THADA: variants seen among roughly 807,000 people sequenced by gnomAD.
THADA encodes tRNA (32-2'-O)-methyltransferase regulator THADA.
In THADA, 213 loss-of-function variants were observed where a neutral mutation model predicts 219.8. The observed-to-expected ratio is 0.97, with a 90% CI of 0.87 to 1.09. The LOEUF (loss-of-function observed/expected upper bound fraction) is 1.09. THADA is among the 50% of genes least tolerant of loss of function. The probability of loss-of-function intolerance (pLI) is 0.00; values close to 1 mark genes in which losing one functional copy is unlikely to be tolerated. For synonymous variants in THADA, 1,018 were observed against 828.9 expected (o/e 1.23, Z -3.92); for missense variants, 2,956 against 2,311.3 (o/e 1.28, Z -5.72).
intron 29 of THADA, among the ~76,000 whole-genome samples, chr2:43,360,933 G>A (rs1312347888): frequency 6.6e-6 from 1 of 152,218 alleles, no homozygotes; most frequent in South Asian, 2.1e-4. Flanking sequence ...AGTTCTAAAC[G>A]TGGAATGAGT....
intron 20 of THADA, among the ~76,000 whole-genome samples, chr2:43,548,335 A>C (rs1355636497): frequency 6.6e-6 from 1 of 152,196 alleles, no homozygotes; most frequent in African/African-American, 2.4e-5. Flanking sequence ...CCACTTGAGG[A>C]GGCAGTCTGC....
intron 26 of THADA, among the ~76,000 whole-genome samples, chr2:43,483,557 T>A (rs1686510062): frequency 6.6e-6 from 1 of 152,158 alleles, no homozygotes. Flanking sequence ...TCATTCCTAT[T>A]TCCTTTTTTC....
At chr2:43,233,844 A>G (rs1316692836) in intron 36 of THADA, among the ~76,000 whole-genome samples, 3 of 152,124 alleles carry the variant, frequency 2.0e-5, no homozygotes, top group South Asian at 2.1e-4. Context: ...CCACTGCACA[A>G]TGGACCTCTG....
intron 36 of THADA, among the ~76,000 whole-genome samples, chr2:43,262,088 T>C (rs1226510481): frequency 2.6e-5 from 4 of 152,228 alleles, no homozygotes. Flanking sequence ...TTTAGGCTTA[T>C]CTCTTTATCA....
intron 29 of THADA, among the ~76,000 whole-genome samples, chr2:43,346,881 C>A (rs1397898130): frequency 1.3e-5 from 2 of 152,208 alleles, no homozygotes; most frequent in African/African-American, 4.8e-5. Context: ...CCCCCTCCAA[C>A]AAGTCTGATG....
At chr2:43,377,091 A>G (rs1422655300) in intron 29 of THADA, among the ~76,000 whole-genome samples, 3 of 152,194 alleles carry the variant, frequency 2.0e-5, no homozygotes, top group Non-Finnish European at 2.9e-5. Flanking sequence ...GTGGCACAAT[A>G]TCGTGGAAAG....
chr2:43,451,400 A>T (rs573553365), intron 26 of THADA, among the ~76,000 whole-genome samples: 4 of 152,286 alleles, frequency 2.6e-5, no homozygotes, highest in African/African-American at 9.6e-5. Flanking sequence ...CCCACTGTCC[A>T]TTATTCCCTA....
intron 26 of THADA, among the ~76,000 whole-genome samples, chr2:43,481,290 G>C (rs1293012896): frequency 6.6e-6 from 1 of 152,126 alleles, no homozygotes; most frequent in Non-Finnish European, 1.5e-5. Context: ...TCCCAACATA[G>C]TCACTAGAAA....
Position 43,248,200 on chromosome 2 carries a change from G to C in THADA, c.5297-15318C>G, listed in dbSNP as rs867603668. On this transcript the variant is annotated intron_variant, in intron 36 of 37. Coordinates refer to ENST00000405975, the MANE Select transcript of THADA (RefSeq NM_022065.5). ...AGAGAGAGAGAGAGAGAGAGAGAGA[G>C]AGAGAGAGAGAGAGACAGAGAGAGA... Among the ~76,000 whole-genome samples, 528 of 126,862 alleles carry C rather than the reference G, an allele frequency of 4.2e-3. 2 individuals carry two copies. The highest frequency in any genetic ancestry group is 0.013 in the African/African-American group (406 of 31,426). 83.2% of individuals were successfully genotyped at this position (126,862 alleles called of 152,430 possible). A position where few individuals can be genotyped will look rare whatever the true frequency, so the allele number is the denominator to read the frequency against.
At chr2:43,453,887 A>G (rs1682664532) in intron 26 of THADA, among the ~76,000 whole-genome samples, 1 of 152,194 alleles carries the variant, frequency 6.6e-6, no homozygotes, top group Non-Finnish European at 1.5e-5. Context: ...ACAACATAGC[A>G]TGCACTTTCT....
intron 26 of THADA, among the ~76,000 whole-genome samples, chr2:43,432,686 G>A (rs1417654391): frequency 6.6e-6 from 1 of 152,072 alleles, no homozygotes; most frequent in East Asian, 1.9e-4. Flanking sequence ...AACATTTGCT[G>A]TTGTTTTGTT....
At chr2:43,453,307 T>G (rs1053027518) in intron 26 of THADA, among the ~76,000 whole-genome samples, 1 of 152,212 alleles carries the variant, frequency 6.6e-6, no homozygotes, top group Admixed American at 6.5e-5. Flanking sequence ...CAGGAATTAG[T>G]CTTCCTTCTG....
chr2:43,450,770 A>C (rs1004309301), intron 26 of THADA, among the ~76,000 whole-genome samples: 1 of 152,228 alleles, frequency 6.6e-6, no homozygotes, highest in African/African-American at 2.4e-5. Flanking sequence ...ATAGATTAAA[A>C]GTAAAATCAT....
chr2:43,578,035 A>G (rs2104062513), intron 9 of THADA, among the ~76,000 whole-genome samples: 1 of 152,180 alleles, frequency 6.6e-6, no homozygotes, highest in Non-Finnish European at 1.5e-5. Flanking sequence ...TCTTTTTGTT[A>G]TTGTTGCTTT....
chr2:43,373,642 A>C (rs1206958050), intron 29 of THADA, among the ~76,000 whole-genome samples: 1 of 152,040 alleles, frequency 6.6e-6, no homozygotes, highest in Non-Finnish European at 1.5e-5. Context: ...AGGCCTGGCT[A>C]ATTTTTGTAT....
At chr2:43,496,177 C>T (rs572062633) in intron 25 of THADA, among the ~76,000 whole-genome samples, 17 of 152,186 alleles carry the variant, frequency 1.1e-4, no homozygotes, top group Non-Finnish European at 1.9e-4. Context: ...AGCTTCTTTT[C>T]TCTTCTCCCT....
At chr2:43,378,896 G>C (rs552478768) in intron 29 of THADA, among the ~76,000 whole-genome samples, 48 of 152,280 alleles carry the variant, frequency 3.2e-4, no homozygotes, top group Admixed American at 2.5e-3. Context: ...GTGAGCCATC[G>C]CACCAGCCTA....
chr2:43,528,103 C>T, intron 21 of THADA, 115 bp from the exon 22 acceptor site: 1 of 566,362 alleles, frequency 1.8e-6, no homozygotes, highest in Non-Finnish European at 3.1e-6. Flanking sequence ...TAGCGCTTAC[C>T]ATATGACAGA....
intron 26 of THADA, among the ~76,000 whole-genome samples, chr2:43,444,652 G>T (rs899653302): frequency 2.6e-5 from 4 of 152,110 alleles, no homozygotes; most frequent in African/African-American, 7.2e-5. Flanking sequence ...AGAAGCACAT[G>T]CTTCTGAACA....
Sources: allele counts gnomAD v4.1 joint callset (sites outside exome capture counted in the v4.1 genomes callset), GRCh38; gene constraint gnomAD v4.1.1; transcripts MANE v1.5; gene names NCBI Gene and HGNC (gene_info 2026-07-23, HGNC 2026-07-21).